METTL6: variants seen among roughly 807,000 people sequenced by gnomAD.
METTL6 encodes tRNA N(3)-cytidine methyltransferase METTL6.
In METTL6, 22 loss-of-function variants were observed where a neutral mutation model predicts 26.4. The observed-to-expected ratio is 0.83, with a 90% CI of 0.59 to 1.19. The LOEUF (loss-of-function observed/expected upper bound fraction) is 1.19, where lower values mean the gene tolerates loss of function less well. Among genes scored for constraint, METTL6 ranks in the 50% most tolerant of loss-of-function variants. The pLI is 0.00. For missense variants in METTL6, 304 were observed against 324.8 expected (o/e 0.94, Z 0.49); for synonymous variants, 109 against 116.2 (o/e 0.94, Z 0.40).
intron 6 of METTL6, among the ~76,000 whole-genome samples, chr3:15,395,612 T>G (rs1244685590): frequency 6.6e-6 from 1 of 152,238 alleles, no homozygotes; most frequent in Non-Finnish European, 1.5e-5. Flanking sequence ...CTTTACAATT[T>G]GGCATGTTTT....
intron 6 of METTL6, among the ~76,000 whole-genome samples, chr3:15,403,596 T>C (rs570208561): frequency 2.0e-5 from 3 of 152,368 alleles, no homozygotes; most frequent in Middle Eastern, 3.4e-3. Context: ...TTTCCTAGTT[T>C]ATCTTACTCT....
chr3:15,406,818 C>T (rs771540521), downstream of METTL6, among the ~76,000 whole-genome samples: 1 of 151,480 alleles, frequency 6.6e-6, no homozygotes, highest in Non-Finnish European at 1.5e-5. Flanking sequence ...TTAGTAGAGA[C>T]AAGATTTTGC....
chr3:15,395,937 T>C (rs1167663418), intron 6 of METTL6, among the ~76,000 whole-genome samples: 3 of 152,212 alleles, frequency 2.0e-5, no homozygotes, highest in African/African-American at 7.2e-5. Context: ...ATTTTTTCCT[T>C]CATTTCAACT....
chr3:15,382,007 G>C (rs570567662), exon 7 of METTL6: 4 of 151,252 alleles, frequency 2.6e-5, no homozygotes, highest in African/African-American at 9.7e-5. Context: ...CTTGGACCCT[G>C]CCCATGTCCC....
intron 6 of METTL6, among the ~76,000 whole-genome samples, chr3:15,385,506 G>A (rs997714686): frequency 1.3e-5 from 2 of 152,142 alleles, no homozygotes; most frequent in East Asian, 3.9e-4. Flanking sequence ...GCTGAGGCAG[G>A]AGAATTGCTT....
intron 6 of METTL6, among the ~76,000 whole-genome samples, chr3:15,403,351 G>A (rs1699700288): frequency 6.6e-6 from 1 of 152,136 alleles, no homozygotes; most frequent in African/African-American, 2.4e-5. Context: ...TCTTTCAGGA[G>A]TTGTCTCATT....
At chr3:15,425,703 C>A (rs551526587) in intron 2 of METTL6, among the ~76,000 whole-genome samples, 78 of 152,166 alleles carry the variant, frequency 5.1e-4, no homozygotes, top group African/African-American at 1.8e-3. Context: ...CTGGCAATAG[C>A]CACCAGACCT....
At chr3:15,389,618 C>T (rs908410720) in intron 6 of METTL6, among the ~76,000 whole-genome samples, 7 of 152,204 alleles carry the variant, frequency 4.6e-5, no homozygotes, top group South Asian at 2.1e-4. Context: ...GGCGCAATCT[C>T]GGCTCACCAC....
downstream of METTL6, among the ~76,000 whole-genome samples, chr3:15,405,657 AAG>A (rs1699764717): frequency 1.3e-5 from 2 of 152,220 alleles, no homozygotes; most frequent in Non-Finnish European, 1.5e-5. Context: ...GAGCCCTTAC[AAG>A]GACCCCAAGA....
At chr3:15,393,453 T>C (rs1343420144) in intron 6 of METTL6, among the ~76,000 whole-genome samples, 1 of 152,192 alleles carries the variant, frequency 6.6e-6, no homozygotes, top group Non-Finnish European at 1.5e-5. Flanking sequence ...CAGCGACAAT[T>C]TGACTTCCTC....
intron 6 of METTL6, among the ~76,000 whole-genome samples, chr3:15,386,949 C>T (rs7614527): frequency 0.022 from 3,297 of 151,996 alleles, 100 homozygotes; most frequent in African/African-American, 0.072. Context: ...TGCACCACTA[C>T]GCCCGGCTAA....
intron 6 of METTL6, among the ~76,000 whole-genome samples, chr3:15,395,588 C>G (rs1016010283): frequency 6.6e-6 from 1 of 151,760 alleles, no homozygotes; most frequent in Non-Finnish European, 1.5e-5. Flanking sequence ...AAGTTTCTTC[C>G]TAGTCTCGAT....
At chr3:15,402,127 C>T (rs1177086997) in intron 6 of METTL6, among the ~76,000 whole-genome samples, 1 of 152,082 alleles carries the variant, frequency 6.6e-6, no homozygotes, top group Non-Finnish European at 1.5e-5. Context: ...TTTCCAGTAA[C>T]ACAATGGTTC....
At chr3:15,425,208 A>T (rs2125045955) in intron 2 of METTL6, 119 bp from the exon 3 acceptor site, 1 of 1,020,560 alleles carries the variant, frequency 9.8e-7, no homozygotes, top group Non-Finnish European at 1.4e-6. Flanking sequence ...GATCAACAAG[A>T]GAACTAATAA....
At chr3:15,402,625 T>C (rs1413054035) in intron 6 of METTL6, among the ~76,000 whole-genome samples, 1 of 151,086 alleles carries the variant, frequency 6.6e-6, no homozygotes, top group Non-Finnish European at 1.5e-5. Flanking sequence ...TCCCAGCTAC[T>C]TGGGAGTCTG....
intron 5 of METTL6, chr3:15,413,722 C>G: frequency 7.6e-7 from 1 of 1,316,808 alleles, no homozygotes; most frequent in Non-Finnish European, 9.8e-7. Flanking sequence ...CTGACTTGCC[C>G]TCCCTCTTAT....
chr3:15,413,836 C>A (rs1462293791), intron 5 of METTL6, 185 bp downstream of exon 5: 14 of 1,501,590 alleles, frequency 9.3e-6, no homozygotes, highest in Non-Finnish European at 1.2e-5. Flanking sequence ...CTTGTGAGCT[C>A]TTCAAGGGCA....
At chr3:15,406,629 T>TAGAGAG (rs1211289541), downstream of METTL6, among the ~76,000 whole-genome samples, 10 of 20,728 alleles carry the variant, frequency 4.8e-4, no homozygotes, top group East Asian at 1.2e-3. Flanking sequence ...TATATATATA[T>TAGAGAG]AGAGAGAGAG....
At chr3:15,402,503 G>T (rs774731548) in intron 6 of METTL6, among the ~76,000 whole-genome samples, 47 of 152,112 alleles carry the variant, frequency 3.1e-4, no homozygotes, top group Non-Finnish European at 5.1e-4. Context: ...GGAAGCTGAG[G>T]CGGGCAGATC....
Sources: allele counts gnomAD v4.1 joint callset (sites outside exome capture counted in the v4.1 genomes callset), GRCh38; gene constraint gnomAD v4.1.1; transcripts MANE v1.5; gene names NCBI Gene and HGNC (gene_info 2026-07-23, HGNC 2026-07-21).